CRAMP1: variants seen among roughly 807,000 people sequenced by gnomAD.
CRAMP1 encodes protein cramped-like.
A neutral mutation model predicts 115.4 loss-of-function variants in CRAMP1; 50 were observed. The observed-to-expected ratio is 0.43, with a 90% CI of 0.35 to 0.55. The LOEUF is 0.55. Among genes scored for constraint, CRAMP1 ranks in the 20% least tolerant of loss-of-function variants. The pLI is 0.01. For missense variants in CRAMP1, 1,679 were observed against 1,721.7 expected (o/e 0.98, Z 0.44); for synonymous variants, 866 against 745.4 (o/e 1.16, Z -2.64).
Position 1,662,849 on chromosome 16 carries a change from C to A in CRAMP1, c.2670+14C>A. ...CTGGTGGTCCAGGTCAGGGTCTTCT[C>A]AAGTCTGAACGTGTGGCCTCGTGGC... is the stretch of plus-strand genomic sequence containing the variant. On this transcript the variant is annotated intron_variant, in intron 13 of 20. Coordinates refer to ENST00000397412, the MANE Select transcript of CRAMP1 (RefSeq NM_020825.4). 6.2e-7 allele frequency: 1 copy of A among 1,610,746 alleles called. No individual in the cohort carries two copies. Among genetic ancestry groups the A allele is most frequent in the South Asian group, 1.1e-5 (1 of 90,842 alleles).
chr16:1,665,123 A>G lies in CRAMP1; in HGVS notation c.2737A>G (p.Asn913Asp), dbSNP rs1392908277. 5 of 1,611,168 alleles carry G rather than the reference A, an allele frequency of 3.1e-6. No homozygotes were observed. The highest frequency in any genetic ancestry group is 1.1e-5 in the South Asian group (1 of 91,004). Residue 913 changes from asparagine (N) to aspartate (D), a missense_variant, in exon 14 of 21, where the codon AAC becomes GAC. Transcript: ENST00000397412. Reference sequence around the variant, plus strand: ...CGTTTGTTCCTTCTCCATCCTGTCTAACTCTTCCGTAACTGGTAAGGACCC... The same window carrying G: ...CGTTTGTTCCTTCTCCATCCTGTCTGACTCTTCCGTAACTGGTAAGGACCC... The part of the protein sequence containing the change: ...HNVCSFSILS[N>D]SSVTGRGSFR...
chr16:1,660,147 C>A, intron 11 of CRAMP1, 84 bp downstream of exon 11: 1 of 1,248,448 alleles, frequency 8.0e-7, no homozygotes, highest in Non-Finnish European at 1.1e-6. Flanking sequence ...AAGCTGAGAG[C>A]ACAGGTGTGC....
At chr16:1,633,553 G>A (rs1376699203) in intron 4 of CRAMP1, among the ~76,000 whole-genome samples, 1 of 152,238 alleles carries the variant, frequency 6.6e-6, no homozygotes, top group East Asian at 1.9e-4. Context: ...CATCAGTTCC[G>A]TTTTGTCCTA....
chr16:1,670,766 C>T lies in CRAMP1; in HGVS notation c.3602C>T (p.Ser1201Leu), dbSNP rs765778573. ...LLGPSLLDGN[S>L]RDSFVSRSLA... Reference sequence around the variant, plus strand: ...GGCCCCAGCTTGTTGGATGGAAACTCGCGGGACTCATTTGTGTCCAGGTCC... The same window carrying T: ...GGCCCCAGCTTGTTGGATGGAAACTTGCGGGACTCATTTGTGTCCAGGTCC... Residue 1201 changes from serine to leucine, a missense_variant, in exon 20 of 21, where the codon TCG becomes TTG. Around this residue, in one of 8 missense-constraint regions of CRAMP1, gnomAD observed 709 missense variants for 741.9 expected, o/e 0.96. Coordinates refer to ENST00000397412, the MANE Select transcript of CRAMP1 (RefSeq NM_020825.4). The T allele has an allele frequency of 5.0e-6, 8 of 1,613,994 alleles. No individual in the cohort carries two copies. Among genetic ancestry groups the T allele is most frequent in the Non-Finnish European group, 5.9e-6 (7 of 1,179,892 alleles).
At chr16:1,644,515 A>G (rs761561084) in intron 6 of CRAMP1, among the ~76,000 whole-genome samples, 1 of 152,154 alleles carries the variant, frequency 6.6e-6, no homozygotes, top group Non-Finnish European at 1.5e-5. Flanking sequence ...GATGAAAGTT[A>G]CTGTGAAACT....
chr16:1,634,960 G>A (rs917435243), intron 4 of CRAMP1, among the ~76,000 whole-genome samples: 14 of 152,114 alleles, frequency 9.2e-5, no homozygotes, highest in East Asian at 3.8e-4. Flanking sequence ...GTGCCATGGC[G>A]CACTCTCAGC....
At chr16:1,670,433 C>T (rs1448435081) in intron 19 of CRAMP1, 4 of 495,418 alleles carry the variant, frequency 8.1e-6, no homozygotes, top group Admixed American at 3.5e-5. Flanking sequence ...GGTGGGAGAC[C>T]GTGGGACTCG....
intron 3 of CRAMP1, among the ~76,000 whole-genome samples, chr16:1,627,460 A>G (rs2036516890): frequency 6.6e-6 from 1 of 152,168 alleles, no homozygotes; most frequent in South Asian, 2.1e-4. Flanking sequence ...AAGTCTTGTC[A>G]AGCCTGGGAA....
rs547250027 is a variant in CRAMP1, at chr16:1,659,978, C to T, written c.2328C>T (p.Ser776=). 2.1e-5 allele frequency: 34 copies of T among 1,608,212 alleles called. No homozygotes were observed. The South Asian group carries it at 3.5e-4, about 17-fold the overall frequency. ...MTPPGKVVTV[S]SRSPRCPRNQ... ...CCCCAGGGAAGGTGGTGACCGTCAG[C>T]TCTCGCAGCCCCCGCTGCCCTCGGA... The change falls in exon 11 of 21, where the codon AGC becomes AGT. Residue 776 remains serine (S), a synonymous_variant. Transcript: ENST00000397412.
intron 6 of CRAMP1, chr16:1,645,415 C>T (rs531660816): frequency 6.6e-4 from 134 of 203,688 alleles, no homozygotes; most frequent in African/African-American, 2.8e-3. Context: ...CTTGAACTCT[C>T]GACCTCAGGT....
Position 1,677,838 on chromosome 16 carries a change from TTC to T in CRAMP1, c.*3795_*3796del, listed in dbSNP as rs1396478460. 1.3e-5 allele frequency: 2 copies of T among 154,000 alleles called. No homozygotes were observed. Among genetic ancestry groups the T allele is most frequent in the Non-Finnish European group, 2.9e-5 (2 of 68,982 alleles). The allele number at this position is 154,000 out of a possible 1,614,324, so 9.5% of individuals were successfully genotyped here. Reference sequence around the variant, plus strand: ...TTTAATATAATAAGAGCTGTTAAACTTCTGTTTAAATTTCCAGTTCAACTTGT... The same window carrying T: ...TTTAATATAATAAGAGCTGTTAAACTTGTTTAAATTTCCAGTTCAACTTGT... On this transcript the variant is annotated 3_prime_UTR_variant, in exon 21 of 21. Coordinates refer to ENST00000397412, the MANE Select transcript of CRAMP1 (RefSeq NM_020825.4).
intron 20 of CRAMP1, among the ~76,000 whole-genome samples, 189 bp downstream of exon 20, chr16:1,670,998 C>G (rs552748610): frequency 6.6e-6 from 1 of 152,124 alleles, no homozygotes; most frequent in Non-Finnish European, 1.5e-5. Flanking sequence ...GGCCGGCTCT[C>G]GTCCCCACAT....
At chr16:1,673,160 A>G (rs1406758311) in intron 20 of CRAMP1, among the ~76,000 whole-genome samples, 13 of 131,154 alleles carry the variant, frequency 9.9e-5, no homozygotes, top group South Asian at 2.5e-4. Flanking sequence ...CCTCATGTCT[A>G]TGACGGGAAC....
At chr16:1,622,720 C>T (rs1190948356) in intron 2 of CRAMP1, among the ~76,000 whole-genome samples, 1 of 151,358 alleles carries the variant, frequency 6.6e-6, no homozygotes, top group African/African-American at 2.4e-5. Flanking sequence ...GTAGCTGGGA[C>T]TGCAGGTGTG....
chr16:1,638,852 C>T (rs1030759549), intron 5 of CRAMP1, among the ~76,000 whole-genome samples: 7 of 151,956 alleles, frequency 4.6e-5, no homozygotes, highest in African/African-American at 1.7e-4. Context: ...GGGGTGGCTG[C>T]TGCAATCTAG....
In CRAMP1 at chr16:1,660,080, C is replaced by A. The variant is rs1416935966; in HGVS notation, c.2413+17C>A. On this transcript the variant is annotated intron_variant, in intron 11 of 20. Transcript: ENST00000397412. ...GCTCCTCAGGTGAGGCTGTGGCAGC[C>A]ACACTCCTTGTGCCTGGGCTGCCCT... 1 of 1,529,074 alleles carries A rather than the reference C, an allele frequency of 6.5e-7. No homozygotes were observed. The allele number at this position is 1,529,074 out of a possible 1,614,324, so 94.7% of individuals were successfully genotyped here. A position where few individuals can be genotyped will look rare whatever the true frequency, so the allele number is the denominator to read the frequency against.
chr16:1,642,210 T>G (rs964618901), intron 6 of CRAMP1, among the ~76,000 whole-genome samples: 12 of 152,202 alleles, frequency 7.9e-5, no homozygotes, highest in African/African-American at 2.9e-4. Context: ...CCATAGCACT[T>G]CACCCTTGGA....
chr16:1,658,084 T>C (rs923071902), intron 10 of CRAMP1, among the ~76,000 whole-genome samples: 1 of 152,164 alleles, frequency 6.6e-6, no homozygotes, highest in African/African-American at 2.4e-5. Flanking sequence ...CGCCTCCCGC[T>C]TTTTTTCCGC....
chr16:1,619,051 C>T lies in CRAMP1; in HGVS notation c.346+4066C>T, dbSNP rs35579339. On this transcript the variant is annotated intron_variant, in intron 2 of 20. Transcript: ENST00000397412. ...TTTTCATTTTTGTATCTTATTGTGG[C>T]TTATGTAAGGATATAACAGGGAGAT... Among the ~76,000 whole-genome samples the T allele has an allele frequency of 2.7e-3, 408 of 152,222 alleles. 1 individual carries two copies. Among genetic ancestry groups the T allele is most frequent in the Non-Finnish European group, 4.2e-3 (283 of 68,014 alleles).
Sources: allele counts gnomAD v4.1 joint callset (sites outside exome capture counted in the v4.1 genomes callset), GRCh38; gene constraint gnomAD v4.1.1; regional missense constraint gnomAD v4.1.1; transcripts MANE v1.5; gene names NCBI Gene and HGNC (gene_info 2026-07-23, HGNC 2026-07-21).